The following MMS22L variants were observed in gnomAD, a reference collection of about 807,000 sequenced individuals.
MMS22L encodes the protein protein MMS22-like.
Under a neutral mutation model 159.1 loss-of-function variants are expected in MMS22L, and 74 were observed. That is an observed-to-expected ratio of 0.47 (90% CI 0.39 to 0.56). MMS22L has a LOEUF of 0.56. Ranked by LOEUF, MMS22L falls within the 20% of genes least tolerant of loss-of-function variation. The pLI is 0.00. For missense variants in MMS22L, 1,351 were observed against 1,422.1 expected, an observed-to-expected ratio of 0.95 and a Z score of 0.80; for synonymous variants, 517 against 506.9, an observed-to-expected ratio of 1.02 and a Z score of -0.27.
In MMS22L at chr6:97,179,398, A is replaced by G. The variant is rs758727096; in HGVS notation, c.2536+10T>C. 4.3e-5 allele frequency: 70 copies of G among 1,609,516 alleles called. No individual in the cohort carries two copies. The highest frequency in any genetic ancestry group is 5.9e-5 in the Non-Finnish European group (69 of 1,178,024). On this transcript the variant is annotated intron_variant, in intron 17 of 24. Transcript: ENST00000683635. ...CCCCCATCCTCCCCAAAAAACGTAC[A>G]CTTACTTACCAACTGCCTCTTCCAG...
chr6:97,276,842 C>A (rs7740887), intron 4 of MMS22L, among the ~76,000 whole-genome samples: 2 of 152,046 alleles, frequency 1.3e-5, no homozygotes, highest in African/African-American at 4.8e-5. Flanking sequence ...CCTTTATCAC[C>A]GTACCTTTTC....
intron 14 of MMS22L, among the ~76,000 whole-genome samples, chr6:97,209,707 T>G (rs1808167634): frequency 6.6e-6 from 1 of 151,986 alleles, no homozygotes; most frequent in East Asian, 1.9e-4. Flanking sequence ...ATCTCAGTAT[T>G]TTTTGACTAA....
Position 97,145,203 on chromosome 6 carries a change from G to T in MMS22L, c.*1603C>A, listed in dbSNP as rs1215770059. 3 of 152,036 alleles carry T rather than the reference G, an allele frequency of 2.0e-5. No homozygotes were observed. The highest frequency in any genetic ancestry group is 7.2e-5 in the African/African-American group (3 of 41,394). The allele number at this position is 152,036 out of a possible 1,614,324, so 9.4% of individuals were successfully genotyped here. A position where few individuals can be genotyped will look rare whatever the true frequency, so the allele number is the denominator to read the frequency against. ...CTATCATGATGAAAAGAAATTCAGTGTTATGAAGTCTATTAAACAGCCTTA... is the reference window on the plus strand; with the variant it reads ...CTATCATGATGAAAAGAAATTCAGTTTTATGAAGTCTATTAAACAGCCTTA... On this transcript the variant is annotated 3_prime_UTR_variant, in exon 25 of 25. Transcript: ENST00000683635.
chr6:97,157,582 G>A (rs1361374926), intron 22 of MMS22L, among the ~76,000 whole-genome samples: 1 of 152,080 alleles, frequency 6.6e-6, no homozygotes, highest in Non-Finnish European at 1.5e-5. Flanking sequence ...ATAATCATGT[G>A]GTTTTTGTCA....
intron 8 of MMS22L, 38 bp from the exon 9 acceptor site, chr6:97,263,486 G>A: frequency 9.1e-7 from 1 of 1,095,170 alleles, no homozygotes; most frequent in Non-Finnish European, 1.3e-6. Context: ...TTATAAGACA[G>A]CAGCAGAATT....
At chr6:97,209,648 A>C (rs1298992166) in intron 14 of MMS22L, among the ~76,000 whole-genome samples, 1 of 152,036 alleles carries the variant, frequency 6.6e-6, no homozygotes, top group Non-Finnish European at 1.5e-5. Flanking sequence ...ATCAACTATG[A>C]CATAGTTATT....
At chr6:97,277,249 C>A (rs1478747851) in intron 4 of MMS22L, among the ~76,000 whole-genome samples, 1 of 151,978 alleles carries the variant, frequency 6.6e-6, no homozygotes, top group African/African-American at 2.4e-5. Context: ...CCCATCTCCA[C>A]CAAAAATACA....
Position 97,281,366 on chromosome 6 carries a change from A to T in MMS22L, c.165-4T>A, listed in dbSNP as rs1442913825. 6.3e-7 allele frequency: 1 copy of T among 1,589,842 alleles called. No homozygotes were observed. Among genetic ancestry groups the T allele is most frequent in the South Asian group, 1.1e-5 (1 of 87,872 alleles). Reference sequence around the variant, plus strand: ...AGGGTCAAGATTCAAAATCAATCTGAAATGAAAATTGTTTCAATCTCATAA... The same window carrying T: ...AGGGTCAAGATTCAAAATCAATCTGTAATGAAAATTGTTTCAATCTCATAA... On this transcript the variant is annotated splice_polypyrimidine_tract_variant and splice_region_variant and intron_variant, in intron 2 of 24. Transcript: ENST00000683635.
intron 14 of MMS22L, among the ~76,000 whole-genome samples, chr6:97,217,592 C>T (rs767711457): frequency 4.1e-4 from 63 of 152,218 alleles, no homozygotes; most frequent in East Asian, 1.4e-3. Context: ...TCACCTCCCA[C>T]GTTAATTATA....
At chr6:97,277,596 C>T (rs1816365852) in intron 4 of MMS22L, among the ~76,000 whole-genome samples, 2 of 151,938 alleles carry the variant, frequency 1.3e-5, no homozygotes, top group South Asian at 2.1e-4. Flanking sequence ...CCTCCCTCTT[C>T]CAGTGACCAG....
At chr6:97,265,503 G>A (rs560198003) in intron 8 of MMS22L, 1 of 151,942 alleles carries the variant, frequency 6.6e-6, no homozygotes, top group South Asian at 2.1e-4. Context: ...TGACAAATGG[G>A]ATTATATCAA....
At chr6:97,172,202 C>T (rs1377116616) in intron 19 of MMS22L, among the ~76,000 whole-genome samples, 4 of 152,096 alleles carry the variant, frequency 2.6e-5, no homozygotes, top group Admixed American at 6.5e-5. Context: ...TTCTCACTTA[C>T]ATTTTTCTCT....
rs1216044544 is a variant in MMS22L at position 97,145,012 on chromosome 6, GAAA to G, written c.*1791_*1793del. Reference sequence around the variant, plus strand: ...AAGGTATCTTTATCAATCTCCTTTGGAAAAAAAAAACCCACACACACACACACA... The same window carrying G: ...AAGGTATCTTTATCAATCTCCTTTGGAAAAAAACCCACACACACACACACA... On this transcript the variant is annotated 3_prime_UTR_variant, in exon 25 of 25. Coordinates refer to ENST00000683635, the MANE Select transcript of MMS22L (RefSeq NM_001350599.2). The G allele has an allele frequency of 2.9e-4, 26 of 90,860 alleles. No homozygotes were observed. Among genetic ancestry groups the G allele is most frequent in the African/African-American group, 8.8e-4 (20 of 22,790 alleles). The allele number at this position is 90,860 out of a possible 1,614,324, so 5.6% of individuals were successfully genotyped here.
At chr6:97,211,156 T>G (rs773682275) in intron 14 of MMS22L, among the ~76,000 whole-genome samples, 3 of 152,004 alleles carry the variant, frequency 2.0e-5, no homozygotes, top group Non-Finnish European at 2.9e-5. Context: ...GAAACCACAA[T>G]TAAAAAACTG....
chr6:97,218,823 G>A (rs866911789), intron 14 of MMS22L, among the ~76,000 whole-genome samples: 1 of 152,124 alleles, frequency 6.6e-6, no homozygotes, highest in African/African-American at 2.4e-5. Context: ...AGAGGCCTCA[G>A]GGAACCCAAA....
At chr6:97,194,759 G>A (rs1806299650) in intron 14 of MMS22L, among the ~76,000 whole-genome samples, 1 of 152,124 alleles carries the variant, frequency 6.6e-6, no homozygotes, top group Non-Finnish European at 1.5e-5. Flanking sequence ...AAAACCTTTG[G>A]GGGGAAGCAC....
At chr6:97,245,695 T>C (rs925280921) in intron 11 of MMS22L, among the ~76,000 whole-genome samples, 1 of 152,162 alleles carries the variant, frequency 6.6e-6, no homozygotes, top group African/African-American at 2.4e-5. Context: ...GCAGAATTCT[T>C]TGGCATTCTA....
intron 2 of MMS22L, 107 bp downstream of exon 2, chr6:97,282,206 TA>T: frequency 1.7e-6 from 2 of 1,150,666 alleles, no homozygotes; most frequent in Non-Finnish European, 1.2e-6. Flanking sequence ...AGCTGATTTA[TA>T]AAACACGACT....
At chr6:97,173,420 A>T (rs1042104186) in intron 18 of MMS22L, among the ~76,000 whole-genome samples, 198 bp from the exon 19 acceptor site, 9 of 152,212 alleles carry the variant, frequency 5.9e-5, no homozygotes, top group Non-Finnish European at 1.3e-4. Context: ...TTTTATTATT[A>T]AAATAAAGGT....
Sources: gnomAD v4.1 joint callset for allele counts (sites outside exome capture counted in the v4.1 genomes callset) on GRCh38, gnomAD v4.1.1 for gene constraint, MANE v1.5 for transcripts, NCBI Gene and HGNC (gene_info 2026-07-23, HGNC 2026-07-21) for gene names.